The following SPAG16 variants were observed in gnomAD, a reference collection of about 807,000 sequenced individuals.
SPAG16 encodes sperm-associated antigen 16 protein.
A neutral mutation model predicts 80.4 loss-of-function variants in SPAG16; 86 were observed. The ratio of observed to expected loss-of-function variants is 1.07; its 90% CI spans 0.90 to 1.28. The LOEUF (loss-of-function observed/expected upper bound fraction) is 1.28, where lower values mean the gene tolerates loss of function less well. SPAG16 is among the 50% of genes most tolerant of loss of function. SPAG16 has a pLI of 0.00. For synonymous variants in SPAG16, 294 were observed against 265.9 expected (o/e 1.11, Z -1.03); for missense variants, 870 against 765.3 (o/e 1.14, Z -1.61).
At chr2:213,879,402 TAC>T (rs1404042136) in intron 11 of SPAG16, among the ~76,000 whole-genome samples, 7 of 150,756 alleles carry the variant, frequency 4.6e-5, no homozygotes, top group Non-Finnish European at 7.4e-5. Flanking sequence ...TGTGTGTATA[TAC>T]ATATACACAC....
intron 11 of SPAG16, among the ~76,000 whole-genome samples, chr2:213,903,078 C>T (rs2077284909): frequency 6.6e-6 from 1 of 152,196 alleles, no homozygotes; most frequent in South Asian, 2.1e-4. Flanking sequence ...TACAGCCTCC[C>T]TCCTGGCTGC....
At chr2:213,751,031 C>G (rs1205767304) in intron 10 of SPAG16, among the ~76,000 whole-genome samples, 5 of 152,082 alleles carry the variant, frequency 3.3e-5, no homozygotes, top group Admixed American at 3.3e-4. Context: ...TTTAAAATTT[C>G]ATAATGCATT....
intron 13 of SPAG16, among the ~76,000 whole-genome samples, chr2:214,074,009 A>G (rs929021601): frequency 6.6e-6 from 1 of 152,156 alleles, no homozygotes; most frequent in African/African-American, 2.4e-5. Flanking sequence ...CATTATTAGG[A>G]GTGAGGCTAT....
At chr2:214,401,947 C>T (rs1420493298) in intron 15 of SPAG16, among the ~76,000 whole-genome samples, 2 of 151,854 alleles carry the variant, frequency 1.3e-5, no homozygotes, top group African/African-American at 4.8e-5. Context: ...ATAGATATAA[C>T]ATTTAATAAT....
At chr2:214,387,992 A>C (rs985959359) in intron 15 of SPAG16, among the ~76,000 whole-genome samples, 1 of 152,166 alleles carries the variant, frequency 6.6e-6, no homozygotes, top group Non-Finnish European at 1.5e-5. Flanking sequence ...GTGATGAAAA[A>C]AATACCTACT....
chr2:214,360,349 G>A (rs1699104952), intron 15 of SPAG16, among the ~76,000 whole-genome samples: 1 of 151,810 alleles, frequency 6.6e-6, no homozygotes, highest in Non-Finnish European at 1.5e-5. Flanking sequence ...GCTATACTCA[G>A]TCTGGGTGTT....
chr2:214,006,900 C>T (rs534583643), intron 12 of SPAG16, among the ~76,000 whole-genome samples: 14 of 152,234 alleles, frequency 9.2e-5, no homozygotes, highest in African/African-American at 3.1e-4. Context: ...TATTTTGTTT[C>T]GGAAACTATG....
chr2:213,594,484 T>C (rs1468308706), intron 10 of SPAG16, among the ~76,000 whole-genome samples: 1 of 152,206 alleles, frequency 6.6e-6, no homozygotes, highest in Non-Finnish European at 1.5e-5. Context: ...TGTTGTTTCA[T>C]GCATTTGTGA....
chr2:213,497,226 A>G (rs886391548), intron 10 of SPAG16, among the ~76,000 whole-genome samples: 3 of 152,158 alleles, frequency 2.0e-5, no homozygotes, highest in Admixed American at 2.0e-4. Flanking sequence ...GGTGTACAAT[A>G]TGCAGCAAAT....
chr2:213,528,237 A>G (rs2075956319), intron 10 of SPAG16, among the ~76,000 whole-genome samples: 1 of 152,132 alleles, frequency 6.6e-6, no homozygotes, highest in Admixed American at 6.6e-5. Context: ...TATGTTTGCA[A>G]TTTAGAGAAA....
At chr2:214,152,122 G>T (rs1265470423) in intron 15 of SPAG16, among the ~76,000 whole-genome samples, 15 of 152,048 alleles carry the variant, frequency 9.9e-5, no homozygotes. Context: ...TCATTAAAAG[G>T]CTGAAACTGT....
chr2:213,841,400 AT>A (rs769027481), intron 10 of SPAG16, among the ~76,000 whole-genome samples: 11 of 152,146 alleles, frequency 7.2e-5, no homozygotes, highest in Non-Finnish European at 1.3e-4. Context: ...TTGCTTTTGC[AT>A]TTTCCTAATG....
At chr2:214,116,006 C>T (rs2053917715) in intron 14 of SPAG16, among the ~76,000 whole-genome samples, 1 of 152,060 alleles carries the variant, frequency 6.6e-6, no homozygotes, top group Non-Finnish European at 1.5e-5. Context: ...CCAGTGGAGC[C>T]CAAGACTTAG....
chr2:213,963,935 G>A (rs1434044339), intron 12 of SPAG16, among the ~76,000 whole-genome samples: 1 of 151,914 alleles, frequency 6.6e-6, no homozygotes, highest in Non-Finnish European at 1.5e-5. Flanking sequence ...GTGTGTATTC[G>A]ACAGACAACA....
At position 213,928,904 on chromosome 2, in the gene SPAG16, T is replaced by TACAC. The variant is rs71063798; in HGVS notation, c.1215-1020_1215-1017dup. On this transcript the variant is annotated intron_variant, in intron 11 of 15. Transcript: ENST00000331683. ...AGTAAAATTTTCTTGCAGCTGATGTTACACACACACACACACACACACACA... is the reference window on the plus strand; with the variant it reads ...AGTAAAATTTTCTTGCAGCTGATGTTACACACACACACACACACACACACACACA... Among the ~76,000 whole-genome samples, 484 of 143,068 alleles carry TACAC rather than the reference T, an allele frequency of 3.4e-3. 2 individuals carry two copies. The highest frequency in any genetic ancestry group is 0.011 in the African/African-American group (431 of 37,714). The allele number at this position is 143,068 out of a possible 152,430, so 93.9% of individuals were successfully genotyped here. A position where few individuals can be genotyped will look rare whatever the true frequency, so the allele number is the denominator to read the frequency against.
intron 13 of SPAG16, among the ~76,000 whole-genome samples, chr2:214,015,877 G>A (rs927046766): frequency 5.3e-5 from 8 of 152,130 alleles, no homozygotes; most frequent in Admixed American, 1.3e-4. Context: ...GTCATGTGAG[G>A]AATCTAATAT....
chr2:214,226,381 C>G (rs1404038863), intron 15 of SPAG16, among the ~76,000 whole-genome samples: 1 of 152,030 alleles, frequency 6.6e-6, no homozygotes. Context: ...CCTGGCCAAG[C>G]GCACATTCAT....
intron 15 of SPAG16, among the ~76,000 whole-genome samples, chr2:214,177,299 C>G (rs1194143585): frequency 6.6e-6 from 1 of 151,008 alleles, no homozygotes; most frequent in Non-Finnish European, 1.5e-5. Context: ...CCAAATGTAT[C>G]TATTTTGCTT....
At position 214,345,005 on chromosome 2, in the gene SPAG16, C is replaced by T. The variant is rs372482218; in HGVS notation, c.1721-65135C>T. ...TTGACCCATTTATCAATTTTTATTG[C>T]ATGCCTATTATATTCCAGGCCACAC... On this transcript the variant is annotated intron_variant, in intron 15 of 15. Transcript: ENST00000331683. Among the ~76,000 whole-genome samples, 3 of 152,190 alleles carry T rather than the reference C, an allele frequency of 2.0e-5. No homozygotes were observed. The East Asian group carries it at 5.8e-4, about 29-fold the overall frequency.
Sources: gnomAD v4.1 joint callset for allele counts (sites outside exome capture counted in the v4.1 genomes callset) on GRCh38, gnomAD v4.1.1 for gene constraint, MANE v1.5 for transcripts, NCBI Gene and HGNC (gene_info 2026-07-23, HGNC 2026-07-21) for gene names.